The following CHD4 variants were observed in gnomAD, a reference collection of about 807,000 sequenced individuals.
CHD4 encodes chromodomain helicase DNA binding protein 4.
CHD4 carries 35 observed loss-of-function variants against 235.5 expected under a neutral mutation model. The ratio of observed to expected loss-of-function variants is 0.15; its 90% confidence interval spans 0.11 to 0.20. The LOEUF (loss-of-function observed/expected upper bound fraction) is 0.20. Among genes scored for constraint, CHD4 ranks in the 10% least tolerant of loss-of-function variants. The probability of loss-of-function intolerance (pLI) is 1.00; values close to 1 mark genes in which losing one functional copy is unlikely to be tolerated. For missense variants in CHD4, 1,329 were observed against 2,432.3 expected, an observed-to-expected ratio of 0.55 and a Z score of 9.54; for synonymous variants, 900 against 850.2, an observed-to-expected ratio of 1.06 and a Z score of -1.02.
Position 6,570,895 on chromosome 12 carries a change from G to A in CHD4, c.5695C>T (p.Arg1899Trp), listed in dbSNP as rs747202436. 8 of 1,614,044 alleles carry A rather than the reference G, an allele frequency of 5.0e-6. No individual in the cohort carries two copies. Among genetic ancestry groups the A allele is most frequent in the Non-Finnish European group, 3.4e-6 (4 of 1,180,042 alleles). The change falls in exon 39 of 40, where the codon CGG (arginine) becomes TGG (tryptophan). Residue 1899 changes from arginine (R) to tryptophan (W), a missense_variant. Around this residue, in one of 26 missense-constraint regions of CHD4, gnomAD observed 135 missense variants for 282.3 expected, o/e 0.48. Coordinates refer to ENST00000544040, the MANE Select transcript of CHD4 (RefSeq NM_001273.5). ...ERNILSRLAN[R>W]APEPTPQQVA... Reference sequence around the variant, plus strand: ...TGCTGTGGGGTAGGTTCGGGTGCCCGGTTTGCCAGGCGGCTGAGAATGTTA... The same window carrying A: ...TGCTGTGGGGTAGGTTCGGGTGCCCAGTTTGCCAGGCGGCTGAGAATGTTA...
At chr12:6,585,857 G>T (rs1333029208) in intron 25 of CHD4, among the ~76,000 whole-genome samples, 1 of 151,594 alleles carries the variant, frequency 6.6e-6, no homozygotes, top group Admixed American at 6.6e-5. Context: ...CACCACTTTG[G>T]GAGGCCGAGG....
At chr12:6,572,898 C>A in intron 38 of CHD4, 176 bp downstream of exon 38, 3 of 556,268 alleles carry the variant, frequency 5.4e-6, no homozygotes, top group South Asian at 2.6e-5. Context: ...AGGCAAAGAA[C>A]TACTGTCCTT....
At chr12:6,595,540 C>A (rs1356831237) in intron 13 of CHD4, 110 bp from the exon 14 acceptor site, 2 of 895,296 alleles carry the variant, frequency 2.2e-6, no homozygotes, top group African/African-American at 3.3e-5. Flanking sequence ...GGGAGGCCAG[C>A]ACTTTGGGAG....
At chr12:6,592,105 T>C in intron 19 of CHD4, 48 bp from the exon 20 acceptor site, 1 of 1,607,450 alleles carries the variant, frequency 6.2e-7, no homozygotes, top group Non-Finnish European at 8.5e-7. Context: ...AGCCTTTCAA[T>C]GACTAATAAT....
intron 38 of CHD4, 197 bp downstream of exon 38, chr12:6,572,875 TAA>T (rs747990661): frequency 5.4e-3 from 2,140 of 397,650 alleles, no homozygotes; most frequent in South Asian, 7.0e-3. Context: ...TCCATCTCTT[TAA>T]AAAAAAAAAA....
At position 6,602,147 on chromosome 12, in the gene CHD4, T is replaced by TC. The variant is rs760072068; in HGVS notation, c.250dup (p.Asp84GlyfsTer23). On this transcript the variant is annotated frameshift_variant, in exon 4 of 40. Transcript: ENST00000544040. LOFTEE classifies it high-confidence loss of function. ...AAACTCTGGCCCCTCCCCAGAGCTG[T>TC]CCCCCAGCTGCCGGCATAAGAGCAT... is the stretch of plus-strand genomic sequence containing the variant. 6.2e-7 allele frequency: 1 copy of TC among 1,613,626 alleles called. No homozygotes were observed. The highest frequency in any genetic ancestry group is 8.5e-7 in the Non-Finnish European group (1 of 1,179,876).
rs754586752 is a variant in CHD4 at position 6,592,062 on chromosome 12, A to G, written c.2949-5T>C. ...AGGATGTACTTGTAGTATTTCCTAC[A>G]TGGGCAAGGTAGAAAGACAGGTTAG... On this transcript the variant is annotated splice_polypyrimidine_tract_variant and splice_region_variant and intron_variant, in intron 19 of 39. Coordinates refer to ENST00000544040, the MANE Select transcript of CHD4 (RefSeq NM_001273.5). The G allele has an allele frequency of 1.2e-6, 2 of 1,614,108 alleles. No individual in the cohort carries two copies. Among genetic ancestry groups the G allele is most frequent in the African/African-American group, 1.3e-5 (1 of 75,072 alleles).
chr12:6,578,542 C>T lies in CHD4; in HGVS notation c.4986G>A (p.Glu1662=), dbSNP rs1254420390. Residue 1662 remains glutamate (E), a synonymous_variant, in exon 35 of 40, where the codon GAG becomes GAA. Coordinates refer to ENST00000544040, the MANE Select transcript of CHD4 (RefSeq NM_001273.5). ...LTPIVVEDKE[E]KKEEEEKKEV... ...CTTTTTTCTCTTCTTCTTCTTTCTT[C>T]TCTTCTACAGAATATGGGGAAGAAA... 3 of 1,610,850 alleles carry T rather than the reference C, an allele frequency of 1.9e-6. No individual in the cohort carries two copies. The highest frequency in any genetic ancestry group is 1.3e-5 in the African/African-American group (1 of 74,628).
At chr12:6,595,731 C>G (rs113014142) in intron 13 of CHD4, among the ~76,000 whole-genome samples, 1 of 147,926 alleles carries the variant, frequency 6.8e-6, no homozygotes, top group Non-Finnish European at 1.5e-5. Context: ...GAGGCTGCAG[C>G]GAGCCAAGAT....
At chr12:6,601,124 A>G (rs957481528) in intron 6 of CHD4, 71 bp from the exon 7 acceptor site, 88 of 1,525,246 alleles carry the variant, frequency 5.8e-5, no homozygotes, top group Non-Finnish European at 7.6e-5. Flanking sequence ...TCTCCACCTA[A>G]GCTTGCTTCC....
intron 7 of CHD4, 114 bp downstream of exon 7, chr12:6,600,812 T>C (rs1028823258): frequency 1.3e-6 from 2 of 1,509,258 alleles, no homozygotes; most frequent in Admixed American, 2.2e-5. Context: ...TCTTGTTCTG[T>C]GGGAAACGCC....
intron 9 of CHD4, 53 bp downstream of exon 9, chr12:6,600,164 G>C (rs1948564452): frequency 6.2e-7 from 1 of 1,600,732 alleles, no homozygotes; most frequent in Non-Finnish European, 8.5e-7. Context: ...GAGCTTTACT[G>C]TCCCACCCTT....
chr12:6,581,005 A>C (rs753093130), intron 33 of CHD4, 39 bp downstream of exon 33: 8 of 1,594,614 alleles, frequency 5.0e-6, no homozygotes, highest in Non-Finnish European at 6.8e-6. Flanking sequence ...CACTGTCTCA[A>C]AACAAACAAA....
At chr12:6,581,858 A>AG in intron 30 of CHD4, 44 bp from the exon 31 acceptor site, 1 of 1,497,956 alleles carries the variant, frequency 6.7e-7, no homozygotes, top group Non-Finnish European at 8.9e-7. Flanking sequence ...TTCCAGCTAC[A>AG]GGCTCCTTTC....
chr12:6,584,084 T>C (rs896022153), intron 25 of CHD4: 2 of 152,084 alleles, frequency 1.3e-5, no homozygotes, highest in African/African-American at 2.4e-5. Context: ...CAAACAACCA[T>C]AGATGGAAAA....
At chr12:6,573,459 TGTCC>T (rs1188993587) in intron 37 of CHD4, 190 bp from the exon 38 acceptor site, 2 of 400,664 alleles carry the variant, frequency 5.0e-6, no homozygotes, top group East Asian at 7.7e-5. Flanking sequence ...CCTTTTTCAA[TGTCC>T]TCATTTTTAA....
In CHD4 at chr12:6,596,001, C is replaced by G. The variant is rs1307901640; in HGVS notation, c.2024+5G>C. On this transcript the variant is annotated splice_donor_5th_base_variant and intron_variant, in intron 13 of 39. Coordinates refer to ENST00000544040, the MANE Select transcript of CHD4 (RefSeq NM_001273.5). ...CAACTCTATGCCTCACCCAAAATCA[C>G]TCACCTGTGATTCCAATAGCTCTGC... The G allele has an allele frequency of 6.2e-7, 1 of 1,604,738 alleles. No homozygotes were observed. Among genetic ancestry groups the G allele is most frequent in the South Asian group, 1.1e-5 (1 of 89,264 alleles).
chr12:6,601,619 C>T (rs376127801), intron 5 of CHD4, 29 bp downstream of exon 5: 160 of 1,613,268 alleles, frequency 9.9e-5, no homozygotes, highest in Middle Eastern at 6.6e-4. Context: ...AGATTCTCCT[C>T]CCCCTTCCCC....
chr12:6,588,232 T>G (rs1233006375), intron 23 of CHD4, 66 bp downstream of exon 23: 2 of 1,573,394 alleles, frequency 1.3e-6, no homozygotes, highest in South Asian at 2.3e-5. Context: ...GGAGCCCTCA[T>G]AGAGGCCACT....
Sources: gnomAD v4.1 joint callset for allele counts (sites outside exome capture counted in the v4.1 genomes callset) on GRCh38, gnomAD v4.1.1 for gene constraint, gnomAD v4.1.1 regional missense constraint, MANE v1.5 for transcripts, NCBI Gene and HGNC (gene_info 2026-07-23, HGNC 2026-07-21) for gene names.